ITPR1: variants seen among roughly 807,000 people sequenced by gnomAD.
The protein encoded by ITPR1 is inositol 1,4,5-trisphosphate receptor type 1, also known as inositol 1,4,5-trisphosphate-gated calcium channel ITPR1.
A neutral mutation model predicts 318.4 loss-of-function variants in ITPR1; 96 were observed. The ratio of observed to expected loss-of-function variants is 0.30; its 90% CI spans 0.26 to 0.36. ITPR1 has a LOEUF of 0.36. Among genes scored for constraint, ITPR1 ranks in the 10% least tolerant of loss-of-function variants. The probability of loss-of-function intolerance (pLI) is 1.00; values close to 1 mark genes in which losing one functional copy is unlikely to be tolerated. For synonymous variants in ITPR1, 1,312 were observed against 1,289.9 expected (o/e 1.02, Z -0.37); for missense variants, 2,440 against 3,460.2 (o/e 0.71, Z 7.40).
In ITPR1 at chr3:4,540,423, T is replaced by G. The variant is rs138161372; in HGVS notation, c.163+19329T>G. On this transcript the variant is annotated intron_variant, in intron 4 of 61. Transcript: ENST00000649015. ...ACTGTACATAACTAGAGAACTACTC[T>G]CTCTGACCATCTTTGTCTATTATCT... Among the ~76,000 whole-genome samples, 15 of 152,370 alleles carry G rather than the reference T, an allele frequency of 9.8e-5. No individual in the cohort carries two copies. The East Asian group carries it at 2.9e-3, about 29-fold the overall frequency.
At chr3:4,725,616 C>T in intron 41 of ITPR1, 35 bp downstream of exon 41, 1 of 1,569,988 alleles carries the variant, frequency 6.4e-7, no homozygotes, top group Non-Finnish European at 8.7e-7. Flanking sequence ...GCGCCAGCGC[C>T]AGCAAATATG....
At position 4,782,653 on chromosome 3, in the gene ITPR1, A is replaced by G. The variant is rs1218558555; in HGVS notation, c.6422A>G (p.Glu2141Gly). The change falls in exon 50 of 62, where the codon GAA becomes GGA. Residue 2141 changes from glutamate to glycine, a missense_variant. Physicochemically the swap from Glu to Gly is moderately conservative, Grantham distance 98. Coordinates refer to ENST00000649015, the MANE Select transcript of ITPR1 (RefSeq NM_001378452.1). ...ATCAAGAAAGCCTACATGCAAGGTG[A>G]AGTGGAATTTGAGGATGGAGAAAAC... Reference protein sequence around the residue: ...EVIKKAYMQGEVEFEDGENGE... With the variant: ...EVIKKAYMQGGVEFEDGENGE... 6.2e-7 allele frequency: 1 copy of G among 1,605,540 alleles called. No homozygotes were observed.
intron 44 of ITPR1, among the ~76,000 whole-genome samples, chr3:4,743,984 A>G (rs745512884): frequency 6.6e-6 from 1 of 151,676 alleles, no homozygotes; most frequent in Non-Finnish European, 1.5e-5. Context: ...ACAGGTGCCC[A>G]CCCCCACGCC....
chr3:4,842,633 C>T (rs187568766), intron 61 of ITPR1, among the ~76,000 whole-genome samples: 23 of 152,264 alleles, frequency 1.5e-4, no homozygotes, highest in Non-Finnish European at 3.1e-4. Context: ...GCTGGTATTA[C>T]GGAGTGAGCC....
intron 10 of ITPR1, among the ~76,000 whole-genome samples, chr3:4,651,203 AT>A (rs2093590761): frequency 6.6e-6 from 1 of 152,080 alleles, no homozygotes; most frequent in Non-Finnish European, 1.5e-5. Context: ...GTTTTTCTTC[AT>A]TTGGCTTCAT....
At chr3:4,643,376 T>C (rs1267084092) in intron 7 of ITPR1, among the ~76,000 whole-genome samples, 2 of 152,238 alleles carry the variant, frequency 1.3e-5, no homozygotes, top group Non-Finnish European at 2.9e-5. Flanking sequence ...TTTCAGCACA[T>C]CCTTTGGTTT....
At chr3:4,736,404 G>A (rs2043274620) in intron 44 of ITPR1, among the ~76,000 whole-genome samples, 1 of 152,246 alleles carries the variant, frequency 6.6e-6, no homozygotes, top group African/African-American at 2.4e-5. Context: ...GGCTTGGCAG[G>A]TGCAGCACAG....
intron 60 of ITPR1, among the ~76,000 whole-genome samples, chr3:4,835,118 G>T (rs552846246): frequency 3.3e-5 from 3 of 90,850 alleles, no homozygotes; most frequent in Non-Finnish European, 4.4e-5. Flanking sequence ...GACCCTGCCC[G>T]CCCACCCACC....
intron 46 of ITPR1, among the ~76,000 whole-genome samples, chr3:4,772,756 G>T (rs2046262434): frequency 2.0e-5 from 3 of 152,342 alleles, no homozygotes; most frequent in Admixed American, 2.0e-4. Context: ...TCTTCTCTAA[G>T]AAGGAGTTCC....
chr3:4,841,103 C>T (rs1015777876), intron 61 of ITPR1, among the ~76,000 whole-genome samples: 4 of 152,194 alleles, frequency 2.6e-5, no homozygotes, highest in African/African-American at 9.7e-5. Flanking sequence ...ACGACCCGTA[C>T]TGCATCTATG....
chr3:4,618,045 T>C (rs1289838552), intron 4 of ITPR1, among the ~76,000 whole-genome samples: 2 of 150,788 alleles, frequency 1.3e-5, no homozygotes, highest in African/African-American at 2.4e-5. Context: ...AAGTCAAATA[T>C]AGGGTGTTGA....
At chr3:4,641,603 T>C (rs537796926) in intron 6 of ITPR1, among the ~76,000 whole-genome samples, 1 of 152,342 alleles carries the variant, frequency 6.6e-6, no homozygotes, top group African/African-American at 2.4e-5. Context: ...CTCAAACTCC[T>C]GGGCTCAAGC....
At chr3:4,556,737 C>G (rs535714755) in intron 4 of ITPR1, among the ~76,000 whole-genome samples, 1 of 152,236 alleles carries the variant, frequency 6.6e-6, no homozygotes, top group East Asian at 1.9e-4. Context: ...TTGGTTGCTT[C>G]CAAGTTTTGG....
At chr3:4,711,163 A>G (rs2041331214) in intron 38 of ITPR1, among the ~76,000 whole-genome samples, 1 of 145,714 alleles carries the variant, frequency 6.9e-6, no homozygotes, top group Admixed American at 7.2e-5. Flanking sequence ...GTGAGCCAAG[A>G]TCGCGCTACT....
intron 4 of ITPR1, among the ~76,000 whole-genome samples, chr3:4,625,110 C>T (rs1206680996): frequency 6.6e-6 from 1 of 152,024 alleles, no homozygotes. Context: ...ATAAAGATAG[C>T]TATCATGGTC....
At chr3:4,692,949 C>T (rs1440124373) in intron 32 of ITPR1, among the ~76,000 whole-genome samples, 5 of 152,070 alleles carry the variant, frequency 3.3e-5, no homozygotes, top group South Asian at 4.1e-4. Flanking sequence ...GGGGAAACCC[C>T]GTCTCTACTA....
chr3:4,639,275 C>T (rs554266271), intron 5 of ITPR1, 109 bp from the exon 6 acceptor site: 91 of 796,820 alleles, frequency 1.1e-4, no homozygotes, highest in South Asian at 1.0e-3. Flanking sequence ...CAGGGATTTG[C>T]GTATTTCGGT....
At chr3:4,534,844 G>T (rs2083716914) in intron 4 of ITPR1, among the ~76,000 whole-genome samples, 1 of 152,164 alleles carries the variant, frequency 6.6e-6, no homozygotes, top group Admixed American at 6.5e-5. Context: ...CAGAATCGTG[G>T]CATTTGAGGT....
chr3:4,683,740 A>G lies in ITPR1; in HGVS notation c.3440A>G (p.Gln1147Arg). The G allele has an allele frequency of 6.2e-7, 1 of 1,613,792 alleles. No individual in the cohort carries two copies. The change falls in exon 28 of 62, where the codon CAG becomes CGG. Residue 1147 changes from glutamine to arginine, a missense_variant. This residue lies in a region of ITPR1 where 86 missense variants were observed against 75.6 expected (regional missense o/e 1.14). Coordinates refer to ENST00000649015, the MANE Select transcript of ITPR1 (RefSeq NM_001378452.1). The stretch of plus-strand genomic sequence containing the variant: ...TCAGAGCTTTGGGTGTACAAAGGGC[A>G]GGGCCCCGATGAGACTATGGATGGT... Reference protein sequence around the residue: ...EKSELWVYKGQGPDETMDGAS... With the variant: ...EKSELWVYKGRGPDETMDGAS...
Sources: gnomAD v4.1 joint callset for allele counts (sites outside exome capture counted in the v4.1 genomes callset) on GRCh38, gnomAD v4.1.1 for gene constraint, gnomAD v4.1.1 regional missense constraint, MANE v1.5 for transcripts, NCBI Gene and HGNC (gene_info 2026-07-23, HGNC 2026-07-21) for gene names.